Variants in CD46 observed in about 807,000 individuals in gnomAD.
CD46 encodes membrane cofactor protein.
Under a neutral mutation model 53.3 loss-of-function variants are expected in CD46, and 30 were observed. That is an observed-to-expected ratio of 0.56 (90% confidence interval 0.42 to 0.76). The LOEUF (loss-of-function observed/expected upper bound fraction) is 0.76. CD46 is among the 30% of genes least tolerant of loss of function. The probability of loss-of-function intolerance (pLI) is 0.00; values close to 1 mark genes in which losing one functional copy is unlikely to be tolerated. For synonymous variants in CD46, 142 were observed against 152.0 expected (o/e 0.93, Z 0.48); for missense variants, 409 against 463.0 (o/e 0.88, Z 1.07).
intron 8 of CD46, among the ~76,000 whole-genome samples, chr1:207,778,809 T>C (rs1157052603): frequency 6.6e-6 from 1 of 152,202 alleles, no homozygotes; most frequent in African/African-American, 2.4e-5. Flanking sequence ...TAGTTTTTTC[T>C]AGTTCTGTGA....
chr1:207,767,854 A>G (rs1413957785), intron 7 of CD46, 31 bp downstream of exon 7: 14 of 1,504,288 alleles, frequency 9.3e-6, no homozygotes, highest in Non-Finnish European at 1.3e-5. Context: ...TAGTTTTTCA[A>G]AAATCCTTTA....
chr1:207,767,533 G>A, intron 6 of CD46: 1 of 1,195,598 alleles, frequency 8.4e-7, no homozygotes, highest in Non-Finnish European at 1.2e-6. Context: ...GTCAACAATG[G>A]CATAATTCAT....
rs760260520 is a variant in CD46, at chr1:207,770,410, T to G, written c.943+48T>G. On this transcript the variant is annotated intron_variant, in intron 8 of 12. Coordinates refer to ENST00000367042, the MANE Select transcript of CD46 (RefSeq NM_172351.3). ...TGATATTGTTAAGAATTTATTTATT[T>G]ATTTTTATTATACTTTAAGCTCTAG... The G allele has an allele frequency of 3.9e-6, 5 of 1,289,244 alleles. No individual in the cohort carries two copies. In the Admixed American group the frequency reaches 8.5e-5, roughly 22 times the overall value. 79.9% of individuals were successfully genotyped at this position (1,289,244 alleles called of 1,614,324 possible).
chr1:207,782,640 C>CTTTTTTTTTT (rs35546891), intron 8 of CD46, among the ~76,000 whole-genome samples: 1 of 62,604 alleles, frequency 1.6e-5, no homozygotes, highest in African/African-American at 7.0e-5. Flanking sequence ...ATTAATCCCT[C>CTTTTTTTTTT]TTTTTTTTTT....
At chr1:207,787,575 A>G (rs1659385844) in intron 11 of CD46, among the ~76,000 whole-genome samples, 1 of 152,214 alleles carries the variant, frequency 6.6e-6, no homozygotes, top group African/African-American at 2.4e-5. Context: ...ATCTTTAGCC[A>G]ATGCAACATA....
intron 7 of CD46, chr1:207,769,767 C>CT (rs894608374): frequency 3.3e-4 from 49 of 149,232 alleles, no homozygotes; most frequent in Admixed American, 6.0e-4. Context: ...AGCACATTCC[C>CT]TTTTTTTTTT....
At chr1:207,780,549 G>C (rs139903478) in intron 8 of CD46, among the ~76,000 whole-genome samples, 3 of 152,164 alleles carry the variant, frequency 2.0e-5, no homozygotes, top group African/African-American at 7.2e-5. Context: ...CCCGTATTCA[G>C]TTCTTTTAGG....
intron 1 of CD46, among the ~76,000 whole-genome samples, chr1:207,756,244 G>A (rs2102533702): frequency 6.6e-6 from 1 of 152,284 alleles, no homozygotes; most frequent in South Asian, 2.1e-4. Flanking sequence ...TGGCAGAGTA[G>A]GGCAAAGGAG....
chr1:207,752,683 T>C lies in CD46; in HGVS notation c.97+374T>C, dbSNP rs1655054597. Among the ~76,000 whole-genome samples the C allele has an allele frequency of 6.6e-6, 1 of 152,110 alleles. No homozygotes were observed. The highest frequency in any genetic ancestry group is 2.1e-4 in the South Asian group (1 of 4,830). The stretch of plus-strand genomic sequence containing the variant: ...GGGAGTGTTGCTAGGGCCCGTGCTG[T>C]GTCCGTGGTGAGAGTTTGCCCTGTG... On this transcript the variant is annotated intron_variant, in intron 1 of 12. Coordinates refer to ENST00000367042, the MANE Select transcript of CD46 (RefSeq NM_172351.3). The surrounding 1 kb of genome is among the most constrained non-coding windows in gnomAD (Gnocchi z 4.1).
At chr1:207,767,582 C>T (rs1325441687) in intron 6 of CD46, 197 bp from the exon 7 acceptor site, 1 of 1,592,980 alleles carries the variant, frequency 6.3e-7, no homozygotes, top group Non-Finnish European at 8.6e-7. Flanking sequence ...AGTGGTTGAT[C>T]TTCTAACATT....
At chr1:207,788,978 C>T (rs1051337992) in intron 11 of CD46, among the ~76,000 whole-genome samples, 9 of 152,222 alleles carry the variant, frequency 5.9e-5, no homozygotes, top group Non-Finnish European at 1.0e-4. Flanking sequence ...CACATGCTCC[C>T]TCCTTTTCCC....
intron 3 of CD46, among the ~76,000 whole-genome samples, 184 bp downstream of exon 3, chr1:207,757,826 T>C (rs1027495892): frequency 6.6e-6 from 1 of 152,242 alleles, no homozygotes; most frequent in African/African-American, 2.4e-5. Flanking sequence ...AAGTAATTGA[T>C]ATTTAAGGAA....
intron 8 of CD46, among the ~76,000 whole-genome samples, chr1:207,779,368 A>G (rs1227802668): frequency 6.6e-6 from 1 of 152,088 alleles, no homozygotes; most frequent in Non-Finnish European, 1.5e-5. Context: ...TTTTCTTAAA[A>G]ATGATATTAT....
chr1:207,759,272 T>G (rs2724387), intron 3 of CD46, among the ~76,000 whole-genome samples: 93,505 of 152,010 alleles, frequency 0.62, 29,140 homozygotes, highest in East Asian at 0.91. Flanking sequence ...CTTGAATCTA[T>G]CCATTCCAGC....
intron 8 of CD46, among the ~76,000 whole-genome samples, chr1:207,777,613 T>C (rs1658255997): frequency 6.6e-6 from 1 of 152,156 alleles, no homozygotes; most frequent in African/African-American, 2.4e-5. Context: ...GCTGAAGACA[T>C]GCGCTCGTTC....
At chr1:207,757,234 T>G in intron 2 of CD46, 32 bp downstream of exon 2, 1 of 1,558,772 alleles carries the variant, frequency 6.4e-7, no homozygotes, top group Non-Finnish European at 8.8e-7. Context: ...TTTTTTCTGC[T>G]TGCTCTAGAG....
At chr1:207,762,243 CA>C (rs1230711735) in intron 5 of CD46, among the ~76,000 whole-genome samples, 1 of 151,992 alleles carries the variant, frequency 6.6e-6, no homozygotes, top group Non-Finnish European at 1.5e-5. Context: ...TCAAAATATC[CA>C]AATATGTAGG....
At chr1:207,786,644 G>A (rs1200593513) in intron 11 of CD46, among the ~76,000 whole-genome samples, 1 of 152,078 alleles carries the variant, frequency 6.6e-6, no homozygotes, top group Non-Finnish European at 1.5e-5. Flanking sequence ...TGGTACTCAT[G>A]GTTTTATGAT....
intron 5 of CD46, among the ~76,000 whole-genome samples, chr1:207,762,316 A>G (rs548937366): frequency 6.6e-6 from 1 of 152,354 alleles, no homozygotes; most frequent in Admixed American, 6.5e-5. Context: ...TTAGAAAAAA[A>G]GAAAAGTCTC....
Sources: gnomAD v4.1 joint callset for allele counts (sites outside exome capture counted in the v4.1 genomes callset) on GRCh38, gnomAD v4.1.1 for gene constraint, Gnocchi (gnomAD v3.1) non-coding constraint, MANE v1.5 for transcripts, NCBI Gene and HGNC (gene_info 2026-07-23, HGNC 2026-07-21) for gene names.